The following SPINK13 variants were observed in gnomAD, a reference collection of about 807,000 sequenced individuals.
SPINK13 encodes serine protease inhibitor Kazal-type 13.
SPINK13 carries 11 observed loss-of-function variants against 11.0 expected under a neutral mutation model. The ratio of observed to expected loss-of-function variants is 1.00; its 90% CI spans 0.63 to 1.65. SPINK13 has a LOEUF of 1.65. SPINK13 is among the 40% of genes most tolerant of loss of function. SPINK13 has a pLI of 0.00. For synonymous variants in SPINK13, 31 were observed against 35.6 expected, an observed-to-expected ratio of 0.87 and a Z score of 0.46; for missense variants, 113 against 117.7, an observed-to-expected ratio of 0.96 and a Z score of 0.19.
rs116192485 is a variant in SPINK13, at chr5:148,279,685, C to T, written c.109-2419C>T. 7.5e-3 allele frequency among the ~76,000 whole-genome samples: 1,139 copies of T among 152,202 alleles called. 14 individuals carry two copies. Among genetic ancestry groups the T allele is most frequent in the African/African-American group, 0.022 (910 of 41,526 alleles). ...GATGGGCTTCTTTCCATGGGTAAAC[C>T]GACCTTTCTCTCTGGTTGCCCTTAA... On this transcript the variant is annotated intron_variant, in intron 3 of 4. Coordinates refer to ENST00000398450, the MANE Select transcript of SPINK13 (RefSeq NM_001040129.3).
At chr5:148,277,326 G>T (rs1426633580) in intron 3 of SPINK13, among the ~76,000 whole-genome samples, 1 of 152,160 alleles carries the variant, frequency 6.6e-6, no homozygotes, top group Non-Finnish European at 1.5e-5. Context: ...GAATAGGAGT[G>T]GTGAGAGAGG....
chr5:148,285,479 A>G (rs865875292), intron 4 of SPINK13, among the ~76,000 whole-genome samples: 2 of 152,228 alleles, frequency 1.3e-5, no homozygotes, highest in Admixed American at 6.5e-5. Flanking sequence ...GAGATGTAAT[A>G]CAAATATGAT....
At chr5:148,274,419 C>A in intron 3 of SPINK13, 35 bp downstream of exon 3, 1 of 1,546,654 alleles carries the variant, frequency 6.5e-7, no homozygotes, top group Non-Finnish European at 8.9e-7. Flanking sequence ...GGTTGTAATT[C>A]TAGTCTAATC....
intron 2 of SPINK13, among the ~76,000 whole-genome samples, chr5:148,271,772 C>T (rs1276451116): frequency 1.3e-5 from 2 of 152,010 alleles, no homozygotes; most frequent in African/African-American, 2.4e-5. Flanking sequence ...CTACAGGCGC[C>T]CGCCACCACG....
chr5:148,285,955 C>A, intron 4 of SPINK13, 45 bp from the exon 5 acceptor site: 1 of 1,173,230 alleles, frequency 8.5e-7, no homozygotes, highest in Non-Finnish European at 1.2e-6. Flanking sequence ...TACCAATGTT[C>A]ACTTTCCTTA....
chr5:148,279,913 G>A (rs779650748), intron 3 of SPINK13, among the ~76,000 whole-genome samples: 1 of 152,132 alleles, frequency 6.6e-6, no homozygotes, highest in African/African-American at 2.4e-5. Context: ...TCACTTTCAA[G>A]TATACCAGTA....
chr5:148,276,904 A>G (rs1756437937), intron 3 of SPINK13, among the ~76,000 whole-genome samples: 1 of 152,210 alleles, frequency 6.6e-6, no homozygotes, highest in Non-Finnish European at 1.5e-5. Context: ...CTTCCTATCC[A>G]TGAGTATGGG....
At chr5:148,270,387 T>A (rs764361740) in intron 2 of SPINK13, among the ~76,000 whole-genome samples, 1 of 152,136 alleles carries the variant, frequency 6.6e-6, no homozygotes, top group Non-Finnish European at 1.5e-5. Context: ...GCAGAGAAAA[T>A]TGTGATTTTT....
At chr5:148,279,247 G>A (rs1344608891) in intron 3 of SPINK13, among the ~76,000 whole-genome samples, 1 of 151,914 alleles carries the variant, frequency 6.6e-6, no homozygotes, top group African/African-American at 2.4e-5. Context: ...GCCAGTCTGT[G>A]TCTTTTAATT....
At chr5:148,283,222 G>A (rs1432484622) in intron 4 of SPINK13, among the ~76,000 whole-genome samples, 1 of 152,088 alleles carries the variant, frequency 6.6e-6, no homozygotes, top group Non-Finnish European at 1.5e-5. Flanking sequence ...AGTCAGGTAG[G>A]CACAGAATAC....
At chr5:148,281,565 G>A (rs942114856) in intron 3 of SPINK13, among the ~76,000 whole-genome samples, 14 of 152,094 alleles carry the variant, frequency 9.2e-5, no homozygotes, top group Non-Finnish European at 1.3e-4. Flanking sequence ...TGCACTTCCC[G>A]GGTGAGGTGG....
intron 3 of SPINK13, among the ~76,000 whole-genome samples, chr5:148,277,006 G>T (rs1407519845): frequency 3.9e-5 from 6 of 152,130 alleles, no homozygotes; most frequent in Non-Finnish European, 7.4e-5. Flanking sequence ...CTTGTAAGTT[G>T]TATTCCTAGG....
intron 3 of SPINK13, among the ~76,000 whole-genome samples, chr5:148,275,537 C>A (rs1756412407): frequency 6.6e-6 from 1 of 152,186 alleles, no homozygotes; most frequent in Admixed American, 6.5e-5. Flanking sequence ...ATTTCTAGTT[C>A]TAGATCCTTG....
Position 148,284,128 on chromosome 5 carries a change from TCTC to T in SPINK13, c.237-1871_237-1869del, listed in dbSNP as rs1281832454. On this transcript the variant is annotated intron_variant, in intron 4 of 4. Transcript: ENST00000398450. ...TTCCTCCCTCCCTCCCTTTCCTTCCTCTCTTCCTTCATCAATTCCTTCCTTCTT... is the reference window on the plus strand; with the variant it reads ...TTCCTCCCTCCCTCCCTTTCCTTCCTTTCCTTCATCAATTCCTTCCTTCTT... 8.6e-4 allele frequency among the ~76,000 whole-genome samples: 116 copies of T among 134,776 alleles called. 1 individual carries two copies. Among genetic ancestry groups the T allele is most frequent in the African/African-American group, 3.9e-3 (116 of 30,120 alleles). 88.4% of individuals were successfully genotyped at this position (134,776 alleles called of 152,430 possible).
At chr5:148,281,342 A>AC (rs1756512006) in intron 3 of SPINK13, among the ~76,000 whole-genome samples, 1 of 151,432 alleles carries the variant, frequency 6.6e-6, no homozygotes, top group African/African-American at 2.4e-5. Context: ...GAAAAAAAAA[A>AC]CTCCTGCAAT....
chr5:148,275,110 T>A (rs985179335), intron 3 of SPINK13, among the ~76,000 whole-genome samples: 1 of 152,152 alleles, frequency 6.6e-6, no homozygotes, highest in Non-Finnish European at 1.5e-5. Flanking sequence ...CATTAGGTAT[T>A]TCTCCTAATG....
rs1174870157 is a variant in SPINK13, at chr5:148,271,282, G to T, written c.70+1140G>T. On this transcript the variant is annotated intron_variant, in intron 2 of 4. Transcript: ENST00000398450. ...AATATGCCTCAGTTGGATAGAATTG[G>T]ATTAATCACAATACTTGGTTCAATA... Among the ~76,000 whole-genome samples, 5 of 152,190 alleles carry T rather than the reference G, an allele frequency of 3.3e-5. No homozygotes were observed. The East Asian group carries it at 9.7e-4, about 29-fold the overall frequency.
At chr5:148,279,767 C>A (rs937713523) in intron 3 of SPINK13, among the ~76,000 whole-genome samples, 2 of 152,126 alleles carry the variant, frequency 1.3e-5, no homozygotes, top group African/African-American at 4.8e-5. Context: ...CTTGGGATTG[C>A]CCTCCTTCAG....
intron 2 of SPINK13, among the ~76,000 whole-genome samples, chr5:148,270,420 T>A (rs748820231): frequency 6.6e-6 from 1 of 152,170 alleles, no homozygotes; most frequent in Non-Finnish European, 1.5e-5. Flanking sequence ...ATATACAGTA[T>A]AATTATTATT....
Sources: gnomAD v4.1 joint callset for allele counts (sites outside exome capture counted in the v4.1 genomes callset) on GRCh38, gnomAD v4.1.1 for gene constraint, MANE v1.5 for transcripts, NCBI Gene and HGNC (gene_info 2026-07-23, HGNC 2026-07-21) for gene names.